The following TCF3 variants were observed in gnomAD, a reference collection of about 807,000 sequenced individuals.
The protein encoded by TCF3 is transcription factor 3.
In TCF3, 54 loss-of-function variants were observed where a neutral mutation model predicts 72.3. That is an observed-to-expected ratio of 0.75 (90% confidence interval 0.60 to 0.94). TCF3 has a LOEUF of 0.94. TCF3 is among the 40% of genes least tolerant of loss of function. TCF3 has a pLI of 0.00. For missense variants in TCF3, 1,078 were observed against 934.4 expected, an observed-to-expected ratio of 1.15 and a Z score of -2.00; for synonymous variants, 525 against 412.6, an observed-to-expected ratio of 1.27 and a Z score of -3.30.
intron 3 of TCF3, among the ~76,000 whole-genome samples, 194 bp downstream of exon 3, chr19:1,646,161 C>T (rs1464451288): frequency 1.3e-5 from 2 of 152,186 alleles, no homozygotes; most frequent in East Asian, 3.8e-4. Flanking sequence ...GGCTCGGGCT[C>T]CCAAGGCAGG....
rs368238041 is a variant in TCF3 at position 1,615,723 on chromosome 19, C to G, written c.1549G>C (p.Glu517Gln). ...CGGGGGGCCTTCAGCTCCTTCTTCT[C>G]CTCCTCCGAGTGGTCAGCCGCTGAC... ...NTSAADHSEE[E>Q]KKELKAPRAR... Residue 517 changes from glutamate (E) to glutamine (Q), a missense_variant, in exon 17 of 19, where the codon GAG becomes CAG. Coordinates refer to ENST00000262965, the MANE Select transcript of TCF3 (RefSeq NM_003200.5). The surrounding 1 kb of genome is among the most constrained non-coding windows in gnomAD (Gnocchi z 7.3). 4.3e-5 allele frequency: 69 copies of G among 1,613,290 alleles called. No individual in the cohort carries two copies. The highest frequency in any genetic ancestry group is 1.8e-4 in the Admixed American group (11 of 59,954).
At chr19:1,642,024 AAC>A (rs1217370788) in intron 3 of TCF3, among the ~76,000 whole-genome samples, 3 of 151,990 alleles carry the variant, frequency 2.0e-5, no homozygotes, top group Non-Finnish European at 2.9e-5. Flanking sequence ...CAGTCTGGAC[AAC>A]AGAGTGAGAC....
At chr19:1,617,255 G>A (rs896504471) in intron 16 of TCF3, among the ~76,000 whole-genome samples, 3 of 152,208 alleles carry the variant, frequency 2.0e-5, no homozygotes, top group South Asian at 2.1e-4. Context: ...AGGAAAGCGT[G>A]ATGTTGGAAT....
intron 2 of TCF3, among the ~76,000 whole-genome samples, chr19:1,647,873 C>T (rs920650337): frequency 2.6e-5 from 4 of 152,320 alleles, no homozygotes; most frequent in East Asian, 1.9e-4. Context: ...AGAAATGGAC[C>T]GAGGGCTCTG....
chr19:1,616,156 C>T (rs1466939005), intron 16 of TCF3, among the ~76,000 whole-genome samples: 4 of 152,146 alleles, frequency 2.6e-5, no homozygotes, highest in African/African-American at 9.7e-5. Context: ...CTGTTTCAAT[C>T]ATTAACTTAA....
intron 3 of TCF3, among the ~76,000 whole-genome samples, chr19:1,644,084 A>G (rs2065717093): frequency 1.3e-5 from 2 of 152,232 alleles, no homozygotes; most frequent in African/African-American, 4.8e-5. Flanking sequence ...GATGAGCCCC[A>G]AACTCCCCTC....
chr19:1,613,445 G>A (rs2061241055), intron 18 of TCF3, among the ~76,000 whole-genome samples: 1 of 152,132 alleles, frequency 6.6e-6, no homozygotes, highest in Admixed American at 6.5e-5. Context: ...CTCACTCTGT[G>A]GGCCCCAGGG....
At chr19:1,623,877 AAGCTTCGCC>A in intron 8 of TCF3, 65 bp downstream of exon 8, 1 of 1,508,074 alleles carries the variant, frequency 6.6e-7, no homozygotes, top group Non-Finnish European at 9.1e-7. Context: ...GTGTGTTCCC[AAGCTTCGCC>A]AGGACACAGG....
At chr19:1,649,792 T>C (rs965969737) in intron 2 of TCF3, among the ~76,000 whole-genome samples, 29 of 152,158 alleles carry the variant, frequency 1.9e-4, no homozygotes, top group African/African-American at 5.8e-4. Context: ...AGTGATCTTT[T>C]ACTTACTTTT....
chr19:1,638,200 T>C (rs559181725), intron 3 of TCF3, among the ~76,000 whole-genome samples: 56 of 152,206 alleles, frequency 3.7e-4, no homozygotes, highest in Non-Finnish European at 6.3e-4. Flanking sequence ...CACTGAATCC[T>C]TGCAGTGGCT....
chr19:1,634,855 T>C (rs2064184756), intron 3 of TCF3, among the ~76,000 whole-genome samples: 1 of 152,228 alleles, frequency 6.6e-6, no homozygotes, highest in South Asian at 2.1e-4. Context: ...CCATGTACTA[T>C]CAACGGCTGC....
In TCF3 at chr19:1,650,160, C is replaced by T. The variant is rs762136262; in HGVS notation, c.72+17G>A. 95 of 1,547,154 alleles carry T rather than the reference C, an allele frequency of 6.1e-5. No homozygotes were observed. The South Asian group carries it at 7.5e-4, about 12-fold the overall frequency. ...AGGCAAAGGGGTGTCGGGGGCTGGG[C>T]GGGGGTCCTGGCTCACCATGCTGAA... On this transcript the variant is annotated intron_variant, in intron 2 of 18. Coordinates refer to ENST00000262965, the MANE Select transcript of TCF3 (RefSeq NM_003200.5).
rs797011114 is a variant in TCF3, at chr19:1,625,292, C to A, written c.499+284G>T. On this transcript the variant is annotated intron_variant, in intron 7 of 18. Coordinates refer to ENST00000262965, the MANE Select transcript of TCF3 (RefSeq NM_003200.5). Reference sequence around the variant, plus strand: ...GCCACGATGCAGCCCCATGAGGCATCTGACACAGAAAGCACATGGCAGAGC... The same window carrying A: ...GCCACGATGCAGCCCCATGAGGCATATGACACAGAAAGCACATGGCAGAGC... Among the ~76,000 whole-genome samples, 6 of 152,370 alleles carry A rather than the reference C, an allele frequency of 3.9e-5. 1 individual carries two copies. The highest frequency in any genetic ancestry group is 1.4e-4 in the African/African-American group (6 of 41,586).
chr19:1,650,974 A>C (rs530572114), intron 1 of TCF3: 3 of 230,384 alleles, frequency 1.3e-5, no homozygotes, highest in South Asian at 1.8e-4. Context: ...AGAAAAAAAA[A>C]ACAGCCCTAG....
chr19:1,634,725 T>C (rs1364878716), intron 3 of TCF3, among the ~76,000 whole-genome samples: 1 of 152,176 alleles, frequency 6.6e-6, no homozygotes, highest in African/African-American at 2.4e-5. Flanking sequence ...GCTTAGTAAA[T>C]ACCGGGTAGG....
chr19:1,644,917 C>G (rs1253366282), intron 3 of TCF3, among the ~76,000 whole-genome samples: 1 of 152,098 alleles, frequency 6.6e-6, no homozygotes, highest in Non-Finnish European at 1.5e-5. Context: ...AGGGCCTGAC[C>G]CTCTGCCTCA....
Position 1,610,791 on chromosome 19 carries a change from G to C in TCF3, c.*916C>G, listed in dbSNP as rs937271989. On this transcript the variant is annotated 3_prime_UTR_variant, in exon 19 of 19. Coordinates refer to ENST00000262965, the MANE Select transcript of TCF3 (RefSeq NM_003200.5). ...TTCCTGAGGGGAGAGGATGCGGCAG[G>C]GAAGCCCCAAGGTGCCTTCATCAGG... 24 of 232,200 alleles carry C rather than the reference G, an allele frequency of 1.0e-4. No homozygotes were observed. The highest frequency in any genetic ancestry group is 1.7e-4 in the Non-Finnish European group (20 of 117,474). 14.4% of individuals were successfully genotyped at this position (232,200 alleles called of 1,614,324 possible).
chr19:1,621,330 G>T, intron 11 of TCF3, 139 bp from the exon 12 acceptor site: 1 of 1,101,032 alleles, frequency 9.1e-7, no homozygotes, highest in Non-Finnish European at 1.3e-6. Context: ...GTTTCTGTCT[G>T]ACCCCCTGAA....
intron 3 of TCF3, among the ~76,000 whole-genome samples, chr19:1,640,718 G>A (rs953530686): frequency 2.0e-4 from 31 of 152,136 alleles, no homozygotes; most frequent in African/African-American, 6.7e-4. Context: ...GCAGGAGAAT[G>A]GCGTGAACCT....
Sources: gnomAD v4.1 joint callset for allele counts (sites outside exome capture counted in the v4.1 genomes callset) on GRCh38, gnomAD v4.1.1 for gene constraint, Gnocchi (gnomAD v3.1) non-coding constraint, MANE v1.5 for transcripts, NCBI Gene and HGNC (gene_info 2026-07-23, HGNC 2026-07-21) for gene names.